BAIAP3: variants seen among roughly 807,000 people sequenced by gnomAD.
BAIAP3 encodes BAI1-associated protein 3.
Under a neutral mutation model 149.7 loss-of-function variants are expected in BAIAP3, and 180 were observed. The ratio of observed to expected loss-of-function variants is 1.20; its 90% confidence interval spans 1.07 to 1.36. The LOEUF (loss-of-function observed/expected upper bound fraction) is 1.36. Ranked by LOEUF, BAIAP3 falls within the 40% of genes most tolerant of loss-of-function variation. BAIAP3 has a pLI of 0.00. For missense variants in BAIAP3, 1,767 were observed against 1,563.4 expected (o/e 1.13, Z -2.20); for synonymous variants, 845 against 670.7 (o/e 1.26, Z -4.02).
intron 10 of BAIAP3, 28 bp downstream of exon 10, chr16:1,342,091 T>G: frequency 5.7e-6 from 9 of 1,580,570 alleles, no homozygotes; most frequent in African/African-American, 2.7e-5. Flanking sequence ...TTTCTACCCA[T>G]CACCCGTGCC....
intron 28 of BAIAP3, 117 bp downstream of exon 28, chr16:1,347,072 G>A (rs2034427293): frequency 1.9e-6 from 2 of 1,035,806 alleles, no homozygotes; most frequent in East Asian, 2.6e-5. Flanking sequence ...GCCACTCCAG[G>A]GCTGTCCACA....
At chr16:1,346,400 C>T (rs1357215579) in intron 25 of BAIAP3, 39 bp downstream of exon 25, 2 of 1,611,414 alleles carry the variant, frequency 1.2e-6, no homozygotes, top group Non-Finnish European at 1.7e-6. Flanking sequence ...GAGGCAGTCC[C>T]TGGTGCCCCC....
rs1368423396 is a variant in BAIAP3, at chr16:1,346,091, C to G, written c.2301+13C>G. 6.2e-7 allele frequency: 1 copy of G among 1,607,936 alleles called. No individual in the cohort carries two copies. Among genetic ancestry groups the G allele is most frequent in the Non-Finnish European group, 8.5e-7 (1 of 1,178,228 alleles). The stretch of plus-strand genomic sequence containing the variant: ...AGTGAGCGAGGCGGTGAGTGACCAG[C>G]TGGGGAGGGGAGCCGGCAGGAGGTG... On this transcript the variant is annotated intron_variant, in intron 24 of 33. Coordinates refer to ENST00000426824, the MANE Select transcript of BAIAP3 (RefSeq NM_001199097.2).
At chr16:1,346,553 G>A (rs376289713) in intron 26 of BAIAP3, 43 bp downstream of exon 26, 2 of 1,585,804 alleles carry the variant, frequency 1.3e-6, no homozygotes, top group South Asian at 2.3e-5. Context: ...GTGTGTACTG[G>A]GGGTAGGGCA....
rs749907719 is a variant in BAIAP3 at position 1,338,631 on chromosome 16, G to A, written c.82G>A (p.Asp28Asn). Residue 28 changes from aspartate to asparagine, a missense_variant, in exon 2 of 34, where the codon GAC (aspartate) becomes AAC (asparagine). Asp to Asn is a conservative substitution (Grantham distance 23). Coordinates refer to ENST00000426824, the MANE Select transcript of BAIAP3 (RefSeq NM_001199097.2). Reference protein sequence around the residue: ...CPSFRRRTEQDPGSASADPQE... With the variant: ...CPSFRRRTEQNPGSASADPQE... ...GTCCTTCCGCCGCAGGACTGAGCAGGACCCAGGGAGTGCCAGCGCCGACCC... is the reference window on the plus strand; with the variant it reads ...GTCCTTCCGCCGCAGGACTGAGCAGAACCCAGGGAGTGCCAGCGCCGACCC... 3.5e-5 allele frequency: 56 copies of A among 1,600,506 alleles called. No individual in the cohort carries two copies. Among genetic ancestry groups the A allele is most frequent in the Non-Finnish European group, 4.3e-5 (51 of 1,174,896 alleles).
At chr16:1,334,171 A>T (rs2033307242) in intron 1 of BAIAP3, among the ~76,000 whole-genome samples, 1 of 151,540 alleles carries the variant, frequency 6.6e-6, no homozygotes. Context: ...TGCACCCCCC[A>T]GCGTCCTCGT....
At chr16:1,343,304 G>A (rs1484533976) in intron 14 of BAIAP3, 89 bp from the exon 15 acceptor site, 1 of 1,505,046 alleles carries the variant, frequency 6.6e-7, no homozygotes, top group Non-Finnish European at 8.9e-7. Context: ...ATTGGGTGGG[G>A]CAGAGAAAGG....
chr16:1,340,164 G>GCACA (rs2033805146), intron 5 of BAIAP3, among the ~76,000 whole-genome samples: 3 of 79,080 alleles, frequency 3.8e-5, no homozygotes, highest in African/African-American at 5.9e-5. Context: ...ACAGACACAC[G>GCACA]CACACAGGCT....
chr16:1,347,078 C>A, intron 28 of BAIAP3, 123 bp downstream of exon 28: 1 of 979,522 alleles, frequency 1.0e-6, no homozygotes. Context: ...CCAGGGCTGT[C>A]CACAGCGCCT....
At chr16:1,341,257 G>A (rs1168668329) in intron 7 of BAIAP3, 37 bp from the exon 8 acceptor site, 2 of 1,606,538 alleles carry the variant, frequency 1.2e-6, no homozygotes, top group Middle Eastern at 3.3e-4. Context: ...AGGGCCAGAG[G>A]GCGTGGGGCC....
In BAIAP3 at chr16:1,338,990, G is replaced by A; in HGVS notation, c.219+1G>A. 1 of 1,612,828 alleles carries A rather than the reference G, an allele frequency of 6.2e-7. No individual in the cohort carries two copies. Among genetic ancestry groups the A allele is most frequent in the East Asian group, 2.2e-5 (1 of 44,880 alleles). On this transcript the variant is annotated splice_donor_variant, in intron 3 of 33. Coordinates refer to ENST00000426824, the MANE Select transcript of BAIAP3 (RefSeq NM_001199097.2). LOFTEE classifies it high-confidence loss of function. ...CAGACAGGGCTTGCCGTGCCTCGAG[G>A]TAAGGGTGCCACCCCCAGGGCCCGA...
chr16:1,348,642 C>A lies in BAIAP3; in HGVS notation c.*160C>A. 1.4e-6 allele frequency: 1 copy of A among 713,230 alleles called. No individual in the cohort carries two copies. Among genetic ancestry groups the A allele is most frequent in the Admixed American group, 2.5e-5 (1 of 40,758 alleles). The allele number at this position is 713,230 out of a possible 1,614,324, so 44.2% of individuals were successfully genotyped here. A position where few individuals can be genotyped will look rare whatever the true frequency, so the allele number is the denominator to read the frequency against. On this transcript the variant is annotated 3_prime_UTR_variant, in exon 34 of 34. Coordinates refer to ENST00000426824, the MANE Select transcript of BAIAP3 (RefSeq NM_001199097.2). ...GCCCCGCGGCGCCTACCGCCCTGGC[C>A]GTGTCTGTCTGGTGTGTGCTGTGAA...
chr16:1,334,779 G>A (rs1356750264), intron 1 of BAIAP3: 1 of 1,544,366 alleles, frequency 6.5e-7, no homozygotes, highest in East Asian at 2.4e-5. Flanking sequence ...AGAGATTCCT[G>A]CGGGAAACCC....
intron 1 of BAIAP3, among the ~76,000 whole-genome samples, chr16:1,335,727 G>A (rs2033408641): frequency 6.6e-6 from 1 of 152,214 alleles, no homozygotes; most frequent in East Asian, 1.9e-4. Context: ...CCTGTGCCAA[G>A]ACGCCATTAT....
chr16:1,341,449 A>C lies in BAIAP3; in HGVS notation c.691A>C (p.Ser231Arg), dbSNP rs1310445058. ...AKCIQVTEVK[S>R]STLNPVWKEH... ...GTGCATCCAGGTCACCGAGGTGAAG[A>C]GCAGCACCCTGAACCCCGTCTGGAA... The change falls in exon 8 of 34, where the codon AGC becomes CGC. Residue 231 changes from serine (S) to arginine (R), a missense_variant. Transcript: ENST00000426824. 1 of 1,612,468 alleles carries C rather than the reference A, an allele frequency of 6.2e-7. No individual in the cohort carries two copies. The highest frequency in any genetic ancestry group is 1.1e-5 in the South Asian group (1 of 91,064).
intron 13 of BAIAP3, 46 bp from the exon 14 acceptor site, chr16:1,342,867 A>C (rs1225954823): frequency 1.2e-6 from 2 of 1,611,846 alleles, no homozygotes. Context: ...TGAGGAGGGG[A>C]TGTGGGGCTG....
rs1346241665 is a variant in BAIAP3, at chr16:1,344,722, T to A, written c.1757+24T>A. 3.1e-6 allele frequency: 5 copies of A among 1,607,458 alleles called. No individual in the cohort carries two copies. In the South Asian group the frequency reaches 3.3e-5, roughly 11 times the overall value. ...AGGTGGGCCTGGCCCCTCAGTGCTG[T>A]CCTGGGGCTGGGGTCGGAGCCAACA... On this transcript the variant is annotated intron_variant, in intron 19 of 33. Transcript: ENST00000426824.
Position 1,347,776 on chromosome 16 carries a change from G to T in BAIAP3, c.2980G>T (p.Val994Leu). Residue 994 changes from valine to leucine, a missense_variant, in exon 31 of 34, where the codon GTG becomes TTG. Val to Leu is a conservative substitution (Grantham distance 32). Transcript: ENST00000426824. ...CGAGGCGGCTGAGCAGCGGCTGGCC[G>T]TGGAGGTGCTGCACGCCGCGGACCT... is the stretch of plus-strand genomic sequence containing the variant. The part of the protein sequence containing the change: ...HYEAAEQRLA[V>L]EVLHAADLLP... 5.0e-6 allele frequency: 8 copies of T among 1,609,390 alleles called. No individual in the cohort carries two copies. Among genetic ancestry groups the T allele is most frequent in the Non-Finnish European group, 6.8e-6 (8 of 1,177,474 alleles).
rs1219310937 is a variant in BAIAP3, at chr16:1,342,960, C to T, written c.1209C>T (p.Thr403=). ...GAGAGCTCAGCACACCAGCCGCCAC[C>T]ATCCTCTGCCTGCACGGAGCCCAGA... ...WRGELSTPAA[T]ILCLHGAQSN... is the part of the protein sequence containing the mutation. Residue 403 remains threonine (T), a synonymous_variant, in exon 14 of 34, where the codon ACC becomes ACT. Transcript: ENST00000426824. 6.2e-7 allele frequency: 1 copy of T among 1,612,036 alleles called. No homozygotes were observed. The highest frequency in any genetic ancestry group is 8.5e-7 in the Non-Finnish European group (1 of 1,179,978).
Sources: gnomAD v4.1 joint callset for allele counts (sites outside exome capture counted in the v4.1 genomes callset) on GRCh38, gnomAD v4.1.1 for gene constraint, MANE v1.5 for transcripts, NCBI Gene and HGNC (gene_info 2026-07-23, HGNC 2026-07-21) for gene names.